Variants in OR8G1 observed in about 807,000 individuals in gnomAD.
OR8G1 encodes the protein olfactory receptor 8G1.
For missense variants in OR8G1, 372 were observed against 356.2 expected, an observed-to-expected ratio of 1.04 and a Z score of -0.36; for synonymous variants, 129 against 133.3, an observed-to-expected ratio of 0.97 and a Z score of 0.22.
intron 1 of OR8G1, among the ~76,000 whole-genome samples, chr11:124,246,393 A>T (rs1035299381): frequency 9.2e-5 from 14 of 151,984 alleles, no homozygotes; most frequent in African/African-American, 2.9e-4. Context: ...AAAGATACCT[A>T]AAGATCAAAT....
intron 1 of OR8G1, among the ~76,000 whole-genome samples, chr11:124,243,560 CTCT>C (rs369998459): frequency 1.6e-4 from 25 of 152,056 alleles, no homozygotes; most frequent in East Asian, 5.8e-4. Context: ...AACAGTATTT[CTCT>C]TCTTCTTAAC....
intron 1 of OR8G1, among the ~76,000 whole-genome samples, chr11:124,245,946 T>G (rs1861806918): frequency 7.4e-6 from 1 of 134,710 alleles, no homozygotes; most frequent in African/African-American, 3.0e-5. Context: ...TTGCGAAAAT[T>G]TTCTCCCATG....
rs962181078 is a variant in OR8G1 at position 124,252,125 on chromosome 11, C to T, written c.*1514C>T. ...GCCATAGGTTAATAGGACTATTTCC[C>T]GGGAACTCTAAAAACATGGCATGTA... On this transcript the variant is annotated 3_prime_UTR_variant, in exon 3 of 3. Coordinates refer to ENST00000641972, the MANE Select transcript of OR8G1 (RefSeq NM_001002905.2). 7 of 151,876 alleles carry T rather than the reference C, an allele frequency of 4.6e-5. No individual in the cohort carries two copies. The highest frequency in any genetic ancestry group is 9.7e-5 in the African/African-American group (4 of 41,356). 9.4% of individuals were successfully genotyped at this position (151,876 alleles called of 1,614,324 possible).
intron 1 of OR8G1, among the ~76,000 whole-genome samples, chr11:124,242,882 T>C (rs1415709933): frequency 6.6e-6 from 1 of 152,020 alleles, no homozygotes; most frequent in African/African-American, 2.4e-5. Context: ...AACCACATTT[T>C]GCTGGTTGTC....
At chr11:124,245,349 A>AT (rs1030748206) in intron 1 of OR8G1, among the ~76,000 whole-genome samples, 1 of 150,772 alleles carries the variant, frequency 6.6e-6, no homozygotes, top group South Asian at 2.1e-4. Flanking sequence ...TGAACTCATC[A>AT]TTTTTTATGG....
Position 124,249,672 on chromosome 11 carries a change from G to C in OR8G1, c.-4G>C, listed in dbSNP as rs752242239. 1.2e-6 allele frequency: 2 copies of C among 1,611,678 alleles called. No homozygotes were observed. The highest frequency in any genetic ancestry group is 2.2e-5 in the South Asian group (2 of 90,880). ...TCTCTTCCTGCAGAAACTGACTGGA[G>C]GAGATGTCAGGAGAAAATAATTCCT... On this transcript the variant is annotated 5_prime_UTR_variant, in exon 3 of 3. Transcript: ENST00000641972.
At position 124,253,946 on chromosome 11, in the gene OR8G1, G is replaced by A. The variant is rs959116474; in HGVS notation, c.*3335G>A. On this transcript the variant is annotated 3_prime_UTR_variant, in exon 3 of 3. Coordinates refer to ENST00000641972, the MANE Select transcript of OR8G1 (RefSeq NM_001002905.2). ...TTTTGTTTATCCATTCTTCCTAAGC[G>A]ATGGACACCTAGGTTAATCTATATC... The A allele has an allele frequency of 2.6e-5, 4 of 152,078 alleles. No homozygotes were observed. Among genetic ancestry groups the A allele is most frequent in the Admixed American group, 6.6e-5 (1 of 15,256 alleles). 9.4% of individuals were successfully genotyped at this position (152,078 alleles called of 1,614,324 possible).
At chr11:124,245,337 T>C (rs976536971) in intron 1 of OR8G1, among the ~76,000 whole-genome samples, 18 of 150,650 alleles carry the variant, frequency 1.2e-4, no homozygotes, top group Admixed American at 4.0e-4. Flanking sequence ...CTACAAAGGA[T>C]ATGAACTCAT....
Position 124,250,269 on chromosome 11 carries a change from T to A in OR8G1, c.594T>A (p.Leu198=), listed in dbSNP as rs755413602. The A allele has an allele frequency of 8.7e-6, 14 of 1,613,750 alleles. No homozygotes were observed. The highest frequency in any genetic ancestry group is 1.1e-5 in the Non-Finnish European group (13 of 1,179,804). Reference sequence around the variant, plus strand: ...CTAGTATCTATGTCAACAAACTACTTATTCTATGTGTTGGTGCATTTAACA... The same window carrying A: ...CTAGTATCTATGTCAACAAACTACTAATTCTATGTGTTGGTGCATTTAACA... ...SCSSIYVNKL[L]ILCVGAFNIL... The change falls in exon 3 of 3, where the codon CTT becomes CTA. Residue 198 remains leucine, a synonymous_variant. Transcript: ENST00000641972.
At chr11:124,248,386 T>C (rs1245444129) in intron 2 of OR8G1, among the ~76,000 whole-genome samples, 1 of 151,684 alleles carries the variant, frequency 6.6e-6, no homozygotes, top group Non-Finnish European at 1.5e-5. Context: ...TTGCTTTGGG[T>C]TTTGTTTATG....
rs66488278 is a variant in OR8G1, at chr11:124,247,701, CAGAG to C, written c.-96-95_-96-92del. ...ATTTTATGTGTGTGTGCATATAAGA[CAGAG>C]AGAGGAAGAGAGAGAGGGAGAGAGA... On this transcript the variant is annotated intron_variant, in intron 1 of 2. Coordinates refer to ENST00000641972, the MANE Select transcript of OR8G1 (RefSeq NM_001002905.2). 14 of 151,030 alleles carry C rather than the reference CAGAG, an allele frequency of 9.3e-5. No individual in the cohort carries two copies. The East Asian group carries it at 1.2e-3, about 13-fold the overall frequency. 9.4% of individuals were successfully genotyped at this position (151,030 alleles called of 1,614,324 possible).
chr11:124,242,423 A>G lies in OR8G1; in HGVS notation c.-97+1059A>G, dbSNP rs551364707. Among the ~76,000 whole-genome samples, 4 of 152,188 alleles carry G rather than the reference A, an allele frequency of 2.6e-5. No homozygotes were observed. In the South Asian group the frequency reaches 8.3e-4, roughly 32 times the overall value. ...GCACATAGAAGATGGTCATATTAAT[A>G]TGGCATAATGAAGTTACTGGATGAG... is the stretch of plus-strand genomic sequence containing the variant. On this transcript the variant is annotated intron_variant, in intron 1 of 2. Coordinates refer to ENST00000641972, the MANE Select transcript of OR8G1 (RefSeq NM_001002905.2).
In OR8G1 at chr11:124,250,041, T is replaced by C; in HGVS notation, c.366T>C (p.Arg122=). The part of the protein sequence containing the change: ...CHMLAAMAYD[R]YMAICSPLLY... ...TGTTGGCTGCAATGGCGTATGACCG[T>C]TACATGGCCATCTGTAGCCCCTTGC... The change falls in exon 3 of 3, where the codon CGT becomes CGC. Residue 122 remains arginine, a synonymous_variant. Coordinates refer to ENST00000641972, the MANE Select transcript of OR8G1 (RefSeq NM_001002905.2). The C allele has an allele frequency of 6.2e-7, 1 of 1,613,890 alleles. No homozygotes were observed. The highest frequency in any genetic ancestry group is 8.5e-7 in the Non-Finnish European group (1 of 1,179,852).
At position 124,249,907 on chromosome 11, in the gene OR8G1, A is replaced by G. The variant is rs1223642165; in HGVS notation, c.232A>G (p.Thr78Ala). Reference sequence around the variant, plus strand: ...TGACTTCTGCCATTCCACTGTCATTACCCCTAAGATGCTGGTGAACTTTGT... The same window carrying G: ...TGACTTCTGCCATTCCACTGTCATTGCCCCTAAGATGCTGGTGAACTTTGT... ...FIDFCHSTVITPKMLVNFVTE... is the reference protein window; with the variant it reads ...FIDFCHSTVIAPKMLVNFVTE... The change falls in exon 3 of 3, where the codon ACC becomes GCC. Residue 78 changes from threonine to alanine, a missense_variant. Coordinates refer to ENST00000641972, the MANE Select transcript of OR8G1 (RefSeq NM_001002905.2). The G allele has an allele frequency of 1.9e-6, 3 of 1,613,888 alleles. No individual in the cohort carries two copies. The highest frequency in any genetic ancestry group is 2.2e-5 in the East Asian group (1 of 44,856).
rs1184642455 is a variant in OR8G1 at position 124,250,513 on chromosome 11, A to G, written c.838A>G (p.Ile280Val). The G allele has an allele frequency of 2.5e-6, 4 of 1,613,354 alleles. No homozygotes were observed. Among genetic ancestry groups the G allele is most frequent in the Non-Finnish European group, 3.4e-6 (4 of 1,179,620 alleles). The stretch of plus-strand genomic sequence containing the variant: ...GAAAGTATCCTCTGTGTTTTATACT[A>G]TTATTGTGCCCATGTTGAACCCTCT... ...QGKVSSVFYT[I>V]IVPMLNPLIY... The change falls in exon 3 of 3, where the codon ATT (isoleucine) becomes GTT (valine). Residue 280 changes from isoleucine to valine, a missense_variant. Coordinates refer to ENST00000641972, the MANE Select transcript of OR8G1 (RefSeq NM_001002905.2).
At chr11:124,246,614 CAA>C (rs1034614949) in intron 1 of OR8G1, among the ~76,000 whole-genome samples, 4 of 150,810 alleles carry the variant, frequency 2.7e-5, no homozygotes, top group Admixed American at 6.6e-5. Flanking sequence ...GAATAGTAAA[CAA>C]GAGAAAAAAA....
chr11:124,244,951 C>G (rs953688126), intron 1 of OR8G1, among the ~76,000 whole-genome samples: 1 of 151,798 alleles, frequency 6.6e-6, no homozygotes, highest in Non-Finnish European at 1.5e-5. Flanking sequence ...AATATCTTTG[C>G]AACACTGAGT....
chr11:124,249,845 C>G lies in OR8G1; in HGVS notation c.170C>G (p.Thr57Ser). Residue 57 changes from threonine to serine, a missense_variant, in exon 3 of 3, where the codon ACC (threonine) becomes AGC (serine). By Grantham distance (58) the Thr-to-Ser change is moderately conservative (BLOSUM62 1). Transcript: ENST00000641972. ...ATTTGGCTCAGTTCTCACCTGCACA[C>G]CCCTATGTACTATTTCCTCAGCAGT... ...TLIWLSSHLHTPMYYFLSSLS... is the reference protein window; with the variant it reads ...TLIWLSSHLHSPMYYFLSSLS... 1 of 1,613,970 alleles carries G rather than the reference C, an allele frequency of 6.2e-7. No homozygotes were observed. The highest frequency in any genetic ancestry group is 8.5e-7 in the Non-Finnish European group (1 of 1,179,984).
chr11:124,249,129 A>G (rs941582018), intron 2 of OR8G1, among the ~76,000 whole-genome samples: 3 of 152,140 alleles, frequency 2.0e-5, no homozygotes, highest in Admixed American at 2.0e-4. Flanking sequence ...TGTTAAATTT[A>G]TACAATTATT....
Sources: allele counts gnomAD v4.1 joint callset (sites outside exome capture counted in the v4.1 genomes callset), GRCh38; gene constraint gnomAD v4.1.1; transcripts MANE v1.5; gene names NCBI Gene and HGNC (gene_info 2026-07-23, HGNC 2026-07-21).